The following CAB39 variants were observed in gnomAD, a reference collection of about 807,000 sequenced individuals.
CAB39 encodes the protein calcium binding protein 39.
CAB39 carries 8 observed loss-of-function variants against 40.0 expected under a neutral mutation model. The ratio of observed to expected loss-of-function variants is 0.20; its 90% CI spans 0.12 to 0.36. CAB39 has a LOEUF of 0.36. Ranked by LOEUF, CAB39 falls within the 10% of genes least tolerant of loss-of-function variation. The probability of loss-of-function intolerance (pLI) is 1.00; values close to 1 mark genes in which losing one functional copy is unlikely to be tolerated. For synonymous variants in CAB39, 156 were observed against 141.6 expected (o/e 1.10, Z -0.72); for missense variants, 270 against 401.1 (o/e 0.67, Z 2.79).
chr2:230,797,224 A>G (rs1206281713), intron 4 of CAB39, among the ~76,000 whole-genome samples: 1 of 152,208 alleles, frequency 6.6e-6, no homozygotes, highest in African/African-American at 2.4e-5. Flanking sequence ...AAAGCCTTTG[A>G]AGGCTTTTGA....
intron 1 of CAB39, among the ~76,000 whole-genome samples, chr2:230,729,435 A>ATC (rs1694647007): frequency 6.6e-6 from 1 of 152,180 alleles, no homozygotes; most frequent in Non-Finnish European, 1.5e-5. Flanking sequence ...GAAAACCAAG[A>ATC]GAATCAAATC....
At chr2:230,734,893 A>T (rs1040085647) in intron 1 of CAB39, among the ~76,000 whole-genome samples, 1 of 152,168 alleles carries the variant, frequency 6.6e-6, no homozygotes, top group African/African-American at 2.4e-5. Flanking sequence ...ACTGTTCTGC[A>T]TTATTAGTCT....
At position 230,819,000 on chromosome 2, in the gene CAB39, G is replaced by C. The variant is rs1183044026; in HGVS notation, c.*296G>C. The C allele has an allele frequency of 1.4e-5, 4 of 290,386 alleles. No individual in the cohort carries two copies. The South Asian group carries it at 1.5e-4, about 11-fold the overall frequency. 18.0% of individuals were successfully genotyped at this position (290,386 alleles called of 1,614,324 possible). ...TGAAGGCAAATGTATGGATGAGAGT[G>C]TGGTTTAGGAAAGAGGGCACTGATA... On this transcript the variant is annotated 3_prime_UTR_variant, in exon 9 of 9. Transcript: ENST00000258418.
intron 1 of CAB39, chr2:230,713,550 TCGGG>T: frequency 6.6e-6 from 1 of 152,300 alleles, no homozygotes; most frequent in Non-Finnish European, 1.5e-5. Flanking sequence ...CGGGCCGGAG[TCGGG>T]CGGGCGGGGA....
intron 2 of CAB39, among the ~76,000 whole-genome samples, chr2:230,762,285 G>T (rs1373342792): frequency 6.6e-6 from 1 of 152,162 alleles, no homozygotes. Flanking sequence ...AATATGAAAA[G>T]TTTAGCTCCA....
chr2:230,746,078 G>C (rs1386346453), intron 1 of CAB39, among the ~76,000 whole-genome samples: 1 of 152,162 alleles, frequency 6.6e-6, no homozygotes, highest in Non-Finnish European at 1.5e-5. Flanking sequence ...TGTGATTACT[G>C]TGTTTAAAAT....
intron 7 of CAB39, among the ~76,000 whole-genome samples, chr2:230,817,029 G>C (rs946616095): frequency 6.6e-6 from 1 of 152,226 alleles, no homozygotes; most frequent in Non-Finnish European, 1.5e-5. Flanking sequence ...CTGGTTTTAG[G>C]AAAGAGTAAG....
At chr2:230,749,941 G>T (rs1260578303) in intron 1 of CAB39, among the ~76,000 whole-genome samples, 1 of 152,178 alleles carries the variant, frequency 6.6e-6, no homozygotes, top group Non-Finnish European at 1.5e-5. Context: ...CTGCTTTGAA[G>T]TCCCAGCTTT....
intron 2 of CAB39, among the ~76,000 whole-genome samples, chr2:230,770,018 G>A (rs1188655090): frequency 1.3e-5 from 2 of 152,066 alleles, no homozygotes. Context: ...TTAGTGGGAT[G>A]CTGCTAAGCT....
At chr2:230,724,828 A>C (rs1193258054) in intron 1 of CAB39, among the ~76,000 whole-genome samples, 2 of 151,420 alleles carry the variant, frequency 1.3e-5, no homozygotes, top group Non-Finnish European at 2.9e-5. Flanking sequence ...TGTTGTGCCA[A>C]AAAAGGAGCC....
chr2:230,786,787 G>A (rs1317824891), intron 2 of CAB39, among the ~76,000 whole-genome samples: 1 of 152,196 alleles, frequency 6.6e-6, no homozygotes, highest in African/African-American at 2.4e-5. Context: ...AGAATTATCT[G>A]AAGAATAGAG....
chr2:230,752,052 AC>A (rs1695098250), intron 1 of CAB39: 1 of 62,338 alleles, frequency 1.6e-5, no homozygotes, highest in Admixed American at 2.1e-4. Context: ...CCACATACAC[AC>A]CCCCAACCTC....
intron 1 of CAB39, among the ~76,000 whole-genome samples, 183 bp from the exon 2 acceptor site, chr2:230,759,776 T>C (rs915000521): frequency 3.0e-4 from 45 of 152,268 alleles, no homozygotes; most frequent in African/African-American, 8.7e-4. Context: ...GTTCTGTAAT[T>C]CTAAGACATC....
In CAB39 at chr2:230,716,169, T is replaced by A. The variant is rs540280243; in HGVS notation, c.-44+2939T>A. Among the ~76,000 whole-genome samples, 5 of 152,388 alleles carry A rather than the reference T, an allele frequency of 3.3e-5. No homozygotes were observed. The South Asian group carries it at 1.0e-3, about 32-fold the overall frequency. On this transcript the variant is annotated intron_variant, in intron 1 of 8. Coordinates refer to ENST00000258418, the MANE Select transcript of CAB39 (RefSeq NM_016289.4). Reference sequence around the variant, plus strand: ...AAGTAAGATGCTGAGTAAGGCTGTATACGTTTCCTAAAGTTAATGTAGAAG... The same window carrying A: ...AAGTAAGATGCTGAGTAAGGCTGTAAACGTTTCCTAAAGTTAATGTAGAAG...
chr2:230,792,425 C>T (rs1432462684), intron 3 of CAB39, among the ~76,000 whole-genome samples: 2 of 152,186 alleles, frequency 1.3e-5, no homozygotes, highest in Non-Finnish European at 2.9e-5. Context: ...ATCTCTCTGT[C>T]TGTGGTTTAG....
intron 5 of CAB39, among the ~76,000 whole-genome samples, chr2:230,801,959 A>G (rs145372880): frequency 6.6e-6 from 1 of 151,692 alleles, no homozygotes. Flanking sequence ...ATATTTGTAA[A>G]TTTTTTTTTC....
chr2:230,783,440 C>CTTGTT (rs1310389769), intron 2 of CAB39, among the ~76,000 whole-genome samples: 66 of 56,382 alleles, frequency 1.2e-3, no homozygotes, highest in Non-Finnish European at 2.1e-3. Flanking sequence ...CTGTTCTTGT[C>CTTGTT]TAGTTTTGTT....
At chr2:230,721,575 G>C (rs1052639189) in intron 1 of CAB39, among the ~76,000 whole-genome samples, 11 of 152,192 alleles carry the variant, frequency 7.2e-5, no homozygotes, top group African/African-American at 2.4e-4. Context: ...AGGTTATGAG[G>C]ATCCCCTTTT....
chr2:230,750,558 T>C (rs1695067603), intron 1 of CAB39, among the ~76,000 whole-genome samples: 1 of 151,102 alleles, frequency 6.6e-6, no homozygotes. Flanking sequence ...GGAACCTAAG[T>C]TACCACATCT....
Sources: allele counts gnomAD v4.1 joint callset (sites outside exome capture counted in the v4.1 genomes callset), GRCh38; gene constraint gnomAD v4.1.1; transcripts MANE v1.5; gene names NCBI Gene and HGNC (gene_info 2026-07-23, HGNC 2026-07-21).